The following ANO6 variants were observed in gnomAD, a reference collection of about 807,000 sequenced individuals.
The protein encoded by ANO6 is anoctamin 6.
A neutral mutation model predicts 117.5 loss-of-function variants in ANO6; 106 were observed. That is an observed-to-expected ratio of 0.90 (90% CI 0.77 to 1.06). ANO6 has a LOEUF of 1.06. Among genes scored for constraint, ANO6 ranks in the 50% least tolerant of loss-of-function variants. ANO6 has a pLI of 0.00. For missense variants in ANO6, 955 were observed against 1,121.1 expected, an observed-to-expected ratio of 0.85 and a Z score of 2.12; for synonymous variants, 367 against 385.1, an observed-to-expected ratio of 0.95 and a Z score of 0.55.
At chr12:45,218,133 AAT>A (rs1180751185) in intron 1 of ANO6, among the ~76,000 whole-genome samples, 1 of 152,096 alleles carries the variant, frequency 6.6e-6, no homozygotes, top group East Asian at 1.9e-4. Flanking sequence ...GAAAAAGTTA[AAT>A]ATCTCTACTC....
rs1357638099 is a variant in ANO6 at position 45,309,510 on chromosome 12, T to C, written c.150+7417T>C. ...AATCAGAGCCAGCTACCCACAGGTC[T>C]ACAAATTTTTACTTGCAGGTTTTGT... On this transcript the variant is annotated intron_variant, in intron 2 of 19. Transcript: ENST00000320560. 2.6e-5 allele frequency among the ~76,000 whole-genome samples: 4 copies of C among 152,020 alleles called. No homozygotes were observed. In the South Asian group the frequency reaches 6.2e-4, roughly 24 times the overall value.
At chr12:45,414,816 T>C (rs562255752) in intron 16 of ANO6, among the ~76,000 whole-genome samples, 1 of 152,202 alleles carries the variant, frequency 6.6e-6, no homozygotes, top group Non-Finnish European at 1.5e-5. Context: ...CAGGCTGGAG[T>C]GCAGTGGCAC....
chr12:45,390,490 T>C lies in ANO6; in HGVS notation c.1378T>C (p.Phe460Leu), dbSNP rs758556200. The change falls in exon 12 of 20, where the codon TTT (phenylalanine) becomes CTT (leucine). Residue 460 changes from phenylalanine (F) to leucine (L), a missense_variant. Physicochemically the swap from Phe to Leu is conservative, Grantham distance 22 (BLOSUM62 0). Coordinates refer to ENST00000320560, the MANE Select transcript of ANO6 (RefSeq NM_001025356.3). ...IRITLCASAV[F>L]FWILLIIASV... ...GATAACCCTCTGTGCCAGTGCTGTCTTTTTCTGGGTAATTCTATCACAAAA... is the reference window on the plus strand; with the variant it reads ...GATAACCCTCTGTGCCAGTGCTGTCCTTTTCTGGGTAATTCTATCACAAAA... The C allele has an allele frequency of 2.5e-6, 4 of 1,613,162 alleles. No homozygotes were observed. The South Asian group carries it at 3.3e-5, about 13-fold the overall frequency.
intron 1 of ANO6, among the ~76,000 whole-genome samples, chr12:45,267,738 C>T (rs1432046812): frequency 2.6e-5 from 4 of 152,150 alleles, no homozygotes; most frequent in Non-Finnish European, 4.4e-5. Context: ...TTACAGTGAG[C>T]TGAGAACATG....
intron 1 of ANO6, among the ~76,000 whole-genome samples, chr12:45,294,300 ATATT>A (rs1021901697): frequency 6.6e-6 from 1 of 152,186 alleles, no homozygotes; most frequent in Non-Finnish European, 1.5e-5. Context: ...TGCGGAGAGA[ATATT>A]TATTAATTTT....
chr12:45,269,482 A>G (rs1307731623), intron 1 of ANO6, among the ~76,000 whole-genome samples: 2 of 152,198 alleles, frequency 1.3e-5, no homozygotes, highest in East Asian at 3.9e-4. Context: ...TGCTGTGTGT[A>G]TGGGCTTTGG....
chr12:45,373,767 CCAAAATTGA>C (rs1430143781), intron 9 of ANO6, among the ~76,000 whole-genome samples: 2 of 151,988 alleles, frequency 1.3e-5, no homozygotes, highest in African/African-American at 2.4e-5. Context: ...CAGGAAAGAT[CCAAAATTGA>C]CACCCTAACA....
chr12:45,387,621 C>A (rs1011312258), intron 10 of ANO6, among the ~76,000 whole-genome samples: 1 of 152,212 alleles, frequency 6.6e-6, no homozygotes, highest in Non-Finnish European at 1.5e-5. Context: ...AAATTACCAA[C>A]ATTTTTCTTT....
At chr12:45,403,674 A>G in intron 15 of ANO6, 138 bp downstream of exon 15, 1 of 740,652 alleles carries the variant, frequency 1.4e-6, no homozygotes, top group Admixed American at 2.0e-5. Flanking sequence ...TGTTGTCATT[A>G]AAGGTCTCCA....
chr12:45,265,647 T>C (rs577164576), intron 1 of ANO6, among the ~76,000 whole-genome samples: 2 of 152,134 alleles, frequency 1.3e-5, no homozygotes, highest in African/African-American at 4.8e-5. Context: ...TCCCGATTCT[T>C]GTCATTTCTC....
chr12:45,278,790 A>G (rs1190208463), intron 1 of ANO6, among the ~76,000 whole-genome samples: 1 of 152,196 alleles, frequency 6.6e-6, no homozygotes, highest in Non-Finnish European at 1.5e-5. Flanking sequence ...GTAGCTGTCT[A>G]GAAAGATGGC....
At chr12:45,370,847 G>A (rs1162616790) in intron 9 of ANO6, among the ~76,000 whole-genome samples, 1 of 152,038 alleles carries the variant, frequency 6.6e-6, no homozygotes, top group Non-Finnish European at 1.5e-5. Flanking sequence ...AGAATGATTG[G>A]GAGGAGGAGC....
At position 45,350,689 on chromosome 12, in the gene ANO6, A is replaced by T. The variant is rs1410493808; in HGVS notation, c.778A>T (p.Ser260Cys). 6.2e-7 allele frequency: 1 copy of T among 1,613,744 alleles called. No homozygotes were observed. The highest frequency in any genetic ancestry group is 1.3e-5 in the African/African-American group (1 of 74,912). Residue 260 changes from serine to cysteine, a missense_variant, in exon 7 of 20, where the codon AGC (serine) becomes TGC (cysteine). Transcript: ENST00000320560. ...ATTCCGCCGTCAGTCAGAGGATCCCAGCTGCCCTAATGAACGGTACCTTCT... is the reference window on the plus strand; with the variant it reads ...ATTCCGCCGTCAGTCAGAGGATCCCTGCTGCCCTAATGAACGGTACCTTCT... ...CKFRRQSEDP[S>C]CPNERYLLYR...
rs148833936 is a variant in ANO6 at position 45,292,112 on chromosome 12, A to G, written c.71-9902A>G. On this transcript the variant is annotated intron_variant, in intron 1 of 19. Transcript: ENST00000320560. ...AAATACAGCGTAGTATATCTGTACA[A>G]CGAAGTATTATTCTGTCATAGAAAG... Among the ~76,000 whole-genome samples the G allele has an allele frequency of 6.2e-4, 95 of 152,330 alleles. No individual in the cohort carries two copies. The East Asian group carries it at 0.014, about 22-fold the overall frequency.
intron 3 of ANO6, among the ~76,000 whole-genome samples, chr12:45,339,112 AATC>A (rs1282162092): frequency 2.0e-5 from 3 of 152,138 alleles, no homozygotes; most frequent in Admixed American, 2.0e-4. Context: ...GACAGGGATA[AATC>A]ATCACAAAAG....
At chr12:45,429,067 T>G (rs1308523942) in intron 19 of ANO6, 38 bp from the exon 20 acceptor site, 1 of 1,607,584 alleles carries the variant, frequency 6.2e-7, no homozygotes, top group Non-Finnish European at 8.5e-7. Flanking sequence ...TCTCCTCCAT[T>G]TCTTTGTGAG....
rs772103881 is a variant in ANO6 at position 45,421,207 on chromosome 12, T to G, written c.2354T>G (p.Val785Gly). 1 of 1,614,008 alleles carries G rather than the reference T, an allele frequency of 6.2e-7. No homozygotes were observed. The highest frequency in any genetic ancestry group is 8.5e-7 in the Non-Finnish European group (1 of 1,180,010). ...YINNTLSIFK[V>G]ADFKNKSKGN... is the part of the protein sequence containing the mutation. Reference sequence around the variant, plus strand: ...AACAACACTCTCTCCATCTTCAAAGTCGCAGACTTCAAAAACAAAAGCAAG... The same window carrying G: ...AACAACACTCTCTCCATCTTCAAAGGCGCAGACTTCAAAAACAAAAGCAAG... The change falls in exon 18 of 20, where the codon GTC becomes GGC. Residue 785 changes from valine to glycine, a missense_variant. Val to Gly is a moderately radical substitution (Grantham distance 109). Coordinates refer to ENST00000320560, the MANE Select transcript of ANO6 (RefSeq NM_001025356.3).
intron 15 of ANO6, among the ~76,000 whole-genome samples, chr12:45,406,262 T>A (rs1046313248): frequency 7.2e-4 from 109 of 152,334 alleles, no homozygotes; most frequent in African/African-American, 2.5e-3. Flanking sequence ...ATACATCACA[T>A]CAGTAAATTA....
chr12:45,376,002 T>G (rs1198377988), intron 9 of ANO6, among the ~76,000 whole-genome samples: 5 of 149,102 alleles, frequency 3.4e-5, no homozygotes, highest in African/African-American at 9.9e-5. Context: ...CTCAAACAAA[T>G]TTACAAGAAA....
Sources: allele counts gnomAD v4.1 joint callset (sites outside exome capture counted in the v4.1 genomes callset), GRCh38; gene constraint gnomAD v4.1.1; transcripts MANE v1.5; gene names NCBI Gene and HGNC (gene_info 2026-07-23, HGNC 2026-07-21).